The following DAB1 variants were observed in gnomAD, a reference collection of about 807,000 sequenced individuals.
The protein encoded by DAB1 is DAB adaptor protein 1, also known as disabled homolog 1.
A neutral mutation model predicts 64.6 loss-of-function variants in DAB1; 15 were observed. The ratio of observed to expected loss-of-function variants is 0.23; its 90% CI spans 0.16 to 0.36. The LOEUF is 0.36. Ranked by LOEUF, DAB1 falls within the 10% of genes least tolerant of loss-of-function variation. The pLI is 1.00. For missense variants in DAB1, 596 were observed against 706.7 expected (o/e 0.84, Z 1.78); for synonymous variants, 235 against 251.9 (o/e 0.93, Z 0.64).
chr1:57,842,539 A>C (rs1418925849), intron 1 of DAB1, among the ~76,000 whole-genome samples: 1 of 152,210 alleles, frequency 6.6e-6, no homozygotes, highest in East Asian at 1.9e-4. Context: ...TGAAAAAAAA[A>C]GTCTAATTGG....
chr1:57,298,066 T>C (rs1005282077), intron 1 of DAB1, among the ~76,000 whole-genome samples: 5 of 152,208 alleles, frequency 3.3e-5, no homozygotes, highest in Admixed American at 1.3e-4. Flanking sequence ...GTAGGCCTTT[T>C]GTAGATTATC....
chr1:57,499,215 C>T (rs1432821706), intron 7 of DAB1, among the ~76,000 whole-genome samples: 1 of 152,150 alleles, frequency 6.6e-6, no homozygotes, highest in African/African-American at 2.4e-5. Flanking sequence ...ACCTCGTGAT[C>T]CGCCTGCCTC....
At chr1:58,221,536 G>A (rs889750381) in intron 4 of DAB1, among the ~76,000 whole-genome samples, 1 of 152,172 alleles carries the variant, frequency 6.6e-6, no homozygotes, top group African/African-American at 2.4e-5. Flanking sequence ...AGCACATGGT[G>A]GCCTGGAAGC....
In DAB1 at chr1:57,757,198, A is replaced by AT. The variant is rs375166170; in HGVS notation, n.552-107534dup. The stretch of plus-strand genomic sequence containing the variant: ...TCCATGCTGCTGGCCCAGGGGCAGA[A>AT]TTTTTTTTTTTTTTTTTTTTTTAGC... On this transcript the variant is annotated intron_variant and non_coding_transcript_variant, in intron 6 of 20. Coordinates refer to the DAB1 transcript ENST00000485760. Among the ~76,000 whole-genome samples, 264 of 90,082 alleles carry AT rather than the reference A, an allele frequency of 2.9e-3. 12 individuals are homozygous for AT. Among genetic ancestry groups the AT allele is most frequent in the East Asian group, 6.1e-3 (21 of 3,450 alleles). 59.1% of individuals were successfully genotyped at this position (90,082 alleles called of 152,430 possible). A position where few individuals can be genotyped will look rare whatever the true frequency, so the allele number is the denominator to read the frequency against.
At chr1:58,514,710 C>T (rs1233968079) in intron 2 of DAB1, among the ~76,000 whole-genome samples, 1 of 152,102 alleles carries the variant, frequency 6.6e-6, no homozygotes, top group Admixed American at 6.5e-5. Context: ...TAGAAAAATA[C>T]ACTGAGGCTG....
intron 7 of DAB1, among the ~76,000 whole-genome samples, chr1:57,551,850 G>T (rs1215613174): frequency 6.6e-6 from 1 of 152,130 alleles, no homozygotes; most frequent in African/African-American, 2.4e-5. Context: ...CTTTCCCCAA[G>T]ACTTGAAACA....
chr1:58,421,880 G>A (rs920264306), intron 3 of DAB1, among the ~76,000 whole-genome samples: 5 of 152,128 alleles, frequency 3.3e-5, no homozygotes, highest in Non-Finnish European at 7.4e-5. Context: ...TATAGGTTTT[G>A]AAGTCAAGGA....
chr1:57,415,084 T>C (rs1309876459), intron 1 of DAB1, among the ~76,000 whole-genome samples: 4 of 152,182 alleles, frequency 2.6e-5, no homozygotes, highest in Admixed American at 2.6e-4. Context: ...AGGACACTTT[T>C]AGGGATGTGT....
At chr1:58,084,597 AGG>A (rs1570330901) in intron 5 of DAB1, 1 of 160,908 alleles carries the variant, frequency 6.2e-6, no homozygotes, top group East Asian at 1.6e-4. Flanking sequence ...TGCGGTGGTA[AGG>A]GACAGTGGAA....
At chr1:57,242,074 G>A (rs1668534715) in intron 2 of DAB1, among the ~76,000 whole-genome samples, 1 of 152,104 alleles carries the variant, frequency 6.6e-6, no homozygotes, top group African/African-American at 2.4e-5. Context: ...CTAGAAACTA[G>A]ACTAGACTTT....
intron 2 of DAB1, among the ~76,000 whole-genome samples, chr1:57,261,943 T>C (rs1048790023): frequency 8.5e-5 from 13 of 152,200 alleles, no homozygotes; most frequent in Admixed American, 8.5e-4. Flanking sequence ...CATTCATCTG[T>C]CCAGTACCTG....
intron 4 of DAB1, among the ~76,000 whole-genome samples, chr1:58,224,021 G>A (rs1659327532): frequency 6.6e-6 from 1 of 152,212 alleles, no homozygotes; most frequent in African/African-American, 2.4e-5. Context: ...AATCCACTCA[G>A]AGGAGAAGCC....
intron 6 of DAB1, among the ~76,000 whole-genome samples, chr1:57,707,938 G>A (rs1447435891): frequency 1.3e-5 from 2 of 152,038 alleles, no homozygotes; most frequent in Non-Finnish European, 2.9e-5. Context: ...ACCAGGCAAA[G>A]TTACTCTCTT....
intron 5 of DAB1, among the ~76,000 whole-genome samples, chr1:58,009,703 T>C (rs1646639859): frequency 6.6e-6 from 1 of 152,200 alleles, no homozygotes; most frequent in South Asian, 2.1e-4. Context: ...GCAAGGTGTG[T>C]GTTCTACTTA....
At chr1:57,841,734 G>A (rs748564088) in intron 1 of DAB1, among the ~76,000 whole-genome samples, 1 of 152,170 alleles carries the variant, frequency 6.6e-6, no homozygotes, top group African/African-American at 2.4e-5. Flanking sequence ...CCCTGGGCCT[G>A]GTCCCCAAAA....
At chr1:57,344,773 G>C (rs376547314) in intron 1 of DAB1, among the ~76,000 whole-genome samples, 74 of 152,248 alleles carry the variant, frequency 4.9e-4, no homozygotes, top group African/African-American at 1.8e-3. Context: ...ACGTGGGCTT[G>C]ATTCCCAGCT....
intron 5 of DAB1, among the ~76,000 whole-genome samples, chr1:58,025,620 G>T (rs1257125358): frequency 1.5e-5 from 2 of 134,652 alleles, no homozygotes; most frequent in African/African-American, 5.6e-5. Context: ...ATGTAGATGA[G>T]TTATAAATAT....
chr1:57,256,044 C>G (rs1669732513), intron 2 of DAB1, among the ~76,000 whole-genome samples: 1 of 152,160 alleles, frequency 6.6e-6, no homozygotes, highest in Admixed American at 6.5e-5. Flanking sequence ...GTTATCCTGC[C>G]CTGTGCGTTG....
chr1:58,411,105 G>A (rs1341011567), intron 3 of DAB1, among the ~76,000 whole-genome samples: 1 of 152,180 alleles, frequency 6.6e-6, no homozygotes, highest in African/African-American at 2.4e-5. Context: ...AATAACTCCA[G>A]TGATGGGGAT....
Sources: gnomAD v4.1 joint callset for allele counts (sites outside exome capture counted in the v4.1 genomes callset) on GRCh38, gnomAD v4.1.1 for gene constraint, MANE v1.5 for transcripts, NCBI Gene and HGNC (gene_info 2026-07-23, HGNC 2026-07-21) for gene names.